SPEG: variants seen among roughly 807,000 people sequenced by gnomAD.
SPEG encodes striated muscle enriched protein kinase.
SPEG carries 114 observed loss-of-function variants against 300.4 expected under a neutral mutation model. The observed-to-expected ratio is 0.38, with a 90% CI of 0.33 to 0.44. The LOEUF (loss-of-function observed/expected upper bound fraction) is 0.44. Ranked by LOEUF, SPEG falls within the 20% of genes least tolerant of loss-of-function variation. The pLI, the probability that SPEG is intolerant of heterozygous loss-of-function variation, is 1.00. For synonymous variants in SPEG, 1,964 were observed against 2,018.9 expected (o/e 0.97, Z 0.73); for missense variants, 4,201 against 4,586.2 (o/e 0.92, Z 2.43).
rs1689745587 is a variant in SPEG at position 219,451,516 on chromosome 2, G to T, written c.2258-109G>T. The T allele has an allele frequency of 3.3e-6, 4 of 1,225,868 alleles. No individual in the cohort carries two copies. The highest frequency in any genetic ancestry group is 3.3e-5 in the South Asian group (2 of 60,808). The allele number at this position is 1,225,868 out of a possible 1,614,324, so 75.9% of individuals were successfully genotyped here. On this transcript the variant is annotated intron_variant, in intron 5 of 40. Transcript: ENST00000312358. The surrounding 1 kb of genome is among the most constrained non-coding windows in gnomAD (Gnocchi z 6.4). The stretch of plus-strand genomic sequence containing the variant: ...GGCGGACTCTTCCAGATTCCCTGGG[G>T]TGCTGAGAGGAGAGGTTTGGTCTCC...
chr2:219,455,295 GC>G lies in SPEG; in HGVS notation c.2440+3489del, dbSNP rs967316949. Among the ~76,000 whole-genome samples, 67 of 152,242 alleles carry G rather than the reference GC, an allele frequency of 4.4e-4. 1 individual carries two copies. Among genetic ancestry groups the G allele is most frequent in the African/African-American group, 1.6e-3 (66 of 41,546 alleles). ...AGCCAATTGCTCTCTGGACACAGTG[GC>G]TGACACCTGTAATCCCAGCAGTTTT... is the stretch of plus-strand genomic sequence containing the variant. On this transcript the variant is annotated intron_variant, in intron 6 of 40. Coordinates refer to ENST00000312358, the MANE Select transcript of SPEG (RefSeq NM_005876.5).
In SPEG at chr2:219,445,186, T is replaced by C. The variant is rs895988116; in HGVS notation, c.815+25T>C. On this transcript the variant is annotated intron_variant, in intron 3 of 40. Transcript: ENST00000312358. The surrounding 1 kb of genome is among the most constrained non-coding windows in gnomAD (Gnocchi z 6.1). The stretch of plus-strand genomic sequence containing the variant: ...TGTAAGTAACGGCCTTACCTGGGCC[T>C]GAACTGCCCCATCTCACCACGCTGT... 3.9e-6 allele frequency: 6 copies of C among 1,547,660 alleles called. No individual in the cohort carries two copies. The African/African-American group carries it at 8.2e-5, about 21-fold the overall frequency.
chr2:219,452,215 A>G (rs1157562608), intron 6 of SPEG, among the ~76,000 whole-genome samples: 4 of 152,128 alleles, frequency 2.6e-5, no homozygotes, highest in Non-Finnish European at 5.9e-5. Context: ...TTTCCCCTGT[A>G]AGACAGTCCC....
intron 32 of SPEG, 65 bp from the exon 33 acceptor site, chr2:219,488,433 G>A: frequency 4.6e-6 from 7 of 1,516,106 alleles, no homozygotes; most frequent in Non-Finnish European, 6.2e-6. Context: ...AGTGGGGAGT[G>A]AGTGAGGGGG....
In SPEG at chr2:219,473,415, C is replaced by T; in HGVS notation, c.4148-89C>T. 1 of 1,307,422 alleles carries T rather than the reference C, an allele frequency of 7.6e-7. No homozygotes were observed. The highest frequency in any genetic ancestry group is 1.1e-6 in the Non-Finnish European group (1 of 919,032). The allele number at this position is 1,307,422 out of a possible 1,614,324, so 81.0% of individuals were successfully genotyped here. On this transcript the variant is annotated intron_variant, in intron 16 of 40. Transcript: ENST00000312358. This position sits in a 1 kb window ranked among gnomAD's most constrained non-coding sequence, Gnocchi z 4.6. ...CTTTCCCATCTGTAAAAACGGAACTCAAGTGTTGATGAGGGGTGTTAGAGG... is the reference window on the plus strand; with the variant it reads ...CTTTCCCATCTGTAAAAACGGAACTTAAGTGTTGATGAGGGGTGTTAGAGG...
chr2:219,483,524 C>A lies in SPEG; in HGVS notation c.6061C>A (p.Pro2021Thr). 2 of 1,408,352 alleles carry A rather than the reference C, an allele frequency of 1.4e-6. No homozygotes were observed. The highest frequency in any genetic ancestry group is 2.6e-4 in the Middle Eastern group (1 of 3,834). The allele number at this position is 1,408,352 out of a possible 1,614,324, so 87.2% of individuals were successfully genotyped here. A position where few individuals can be genotyped will look rare whatever the true frequency, so the allele number is the denominator to read the frequency against. The stretch of plus-strand genomic sequence containing the variant: ...GGGCAGCTCGGCTGAGAGCGCCCTG[C>A]CCCGGGCCGGGCCGCGGGAGCTGGG... ...RRGSSAESAL[P>T]RAGPRELGRG... The change falls in exon 30 of 41, where the codon CCC (proline) becomes ACC (threonine). Residue 2021 changes from proline (P) to threonine (T), a missense_variant. Around this residue, in one of 4 missense-constraint regions of SPEG, gnomAD observed 1,578 missense variants for 1,506.0 expected, o/e 1.05. Transcript: ENST00000312358.
intron 10 of SPEG, 86 bp from the exon 11 acceptor site, chr2:219,468,492 T>C: frequency 6.8e-7 from 1 of 1,469,238 alleles, no homozygotes; most frequent in Non-Finnish European, 9.2e-7. Context: ...TCCAGCTTCC[T>C]GCTCAGCCTT....
At position 219,490,038 on chromosome 2, in the gene SPEG, G is replaced by C. The variant is rs577762653; in HGVS notation, c.8921+99G>C. 123 of 1,378,720 alleles carry C rather than the reference G, an allele frequency of 8.9e-5. No individual in the cohort carries two copies. In the African/African-American group the frequency reaches 1.3e-3, roughly 15 times the overall value. The allele number at this position is 1,378,720 out of a possible 1,614,324, so 85.4% of individuals were successfully genotyped here. A position where few individuals can be genotyped will look rare whatever the true frequency, so the allele number is the denominator to read the frequency against. On this transcript the variant is annotated intron_variant, in intron 36 of 40. Coordinates refer to ENST00000312358, the MANE Select transcript of SPEG (RefSeq NM_005876.5). The stretch of plus-strand genomic sequence containing the variant: ...AAGACCAGACTGTCCTGGCTGGGGT[G>C]GGGGGAGGTGCTGAGACCTGGGTTA...
At chr2:219,438,129 G>A (rs895724968) in intron 1 of SPEG, among the ~76,000 whole-genome samples, 1 of 152,144 alleles carries the variant, frequency 6.6e-6, no homozygotes, top group African/African-American at 2.4e-5. Context: ...GGGAAACTGG[G>A]GGTGGTGGTG....
At chr2:219,466,344 A>AC in intron 9 of SPEG, 2 of 1,388,418 alleles carry the variant, frequency 1.4e-6, no homozygotes, top group East Asian at 2.7e-5. Flanking sequence ...AGGGGTATCA[A>AC]CCCCCCGAGT....
chr2:219,489,702 C>G lies in SPEG; in HGVS notation c.8684C>G (p.Ser2895Cys), dbSNP rs1240307686. ...ACTCCTCAAGGGGTTAAACCAGTGT[C>G]TTCCTCTACTCCTGTGTATGTGGTG... ...ASTPQGVKPV[S>C]SSTPVYVVTS... is the part of the protein sequence containing the mutation. The change falls in exon 36 of 41, where the codon TCT becomes TGT. Residue 2895 changes from serine to cysteine, a missense_variant. By Grantham distance (112) the Ser-to-Cys change is moderately radical (BLOSUM62 -1). Transcript: ENST00000312358. 1 of 1,614,154 alleles carries G rather than the reference C, an allele frequency of 6.2e-7. No individual in the cohort carries two copies. The highest frequency in any genetic ancestry group is 2.2e-5 in the East Asian group (1 of 44,884).
rs1403249168 is a variant in SPEG at position 219,489,076 on chromosome 2, G to A, written c.8172G>A (p.Val2724=). ...RVDGESVWHP[V]SSGIPDCYYN... ...TAGGGGAGTCTGTGTGGCACCCTGT[G>A]AGCTCAGGCATCCCCGACTGTTACT... Residue 2724 remains valine, a synonymous_variant, in exon 35 of 41, where the codon GTG becomes GTA. Coordinates refer to ENST00000312358, the MANE Select transcript of SPEG (RefSeq NM_005876.5). The A allele has an allele frequency of 1.2e-6, 2 of 1,613,890 alleles. No individual in the cohort carries two copies. The highest frequency in any genetic ancestry group is 3.3e-5 in the Admixed American group (2 of 60,008).
chr2:219,482,841 C>A lies in SPEG; in HGVS notation c.5623C>A (p.Arg1875=). ...TCACCTGAAGCTATTCCTCTCCCGG[C>A]GGAGGTGGCAGGTAAGTGTGGCAGG... ...TDHLKLFLSR[R]RWQRSQISYK... The change falls in exon 29 of 41, where the codon CGG becomes AGG. Residue 1875 remains arginine (R), a synonymous_variant. Transcript: ENST00000312358. 1 of 1,613,784 alleles carries A rather than the reference C, an allele frequency of 6.2e-7. No individual in the cohort carries two copies. The highest frequency in any genetic ancestry group is 1.3e-5 in the African/African-American group (1 of 75,038).
Position 219,471,875 on chromosome 2 carries a change from T to C in SPEG, c.3723T>C (p.Asp1241=), listed in dbSNP as rs1397840288. The C allele has an allele frequency of 6.2e-6, 10 of 1,613,918 alleles. No homozygotes were observed. The highest frequency in any genetic ancestry group is 7.6e-6 in the Non-Finnish European group (9 of 1,179,990). ...CTGTCCCTCCCCTCCCAGACAGGGA[T>C]GTCCATCGCTTGGTGTTCCCTGCCG... ...SDDRRMTQYR[D]VHRLVFPAVG... Residue 1241 remains aspartate (D), a synonymous_variant, in exon 14 of 41, where the codon GAT becomes GAC. Transcript: ENST00000312358.
chr2:219,462,128 G>T, intron 7 of SPEG, 71 bp downstream of exon 7: 3 of 1,320,808 alleles, frequency 2.3e-6, no homozygotes, highest in Non-Finnish European at 3.1e-6. Flanking sequence ...TTGTTCTTGG[G>T]GCCATGCCTA....
intron 36 of SPEG, among the ~76,000 whole-genome samples, chr2:219,490,170 C>T (rs1329519046): frequency 6.6e-6 from 1 of 152,204 alleles, no homozygotes; most frequent in East Asian, 1.9e-4. Flanking sequence ...TTAGCATCAC[C>T]CATTTCACAG....
intron 6 of SPEG, 44 bp from the exon 7 acceptor site, chr2:219,461,838 T>C: frequency 1.9e-6 from 3 of 1,589,780 alleles, no homozygotes; most frequent in Non-Finnish European, 2.6e-6. Context: ...TCCCAGGCTC[T>C]CTGCTCGCCT....
In SPEG at chr2:219,448,671, A is replaced by G. The variant is rs751457060; in HGVS notation, c.1513A>G (p.Thr505Ala). ...AQELGRIRRSTSREELVRSHE... is the reference protein window; with the variant it reads ...AQELGRIRRSASREELVRSHE... Reference sequence around the variant, plus strand: ...GGAGCTGGGCCGCATCCGCCGCTCCACGTCGCGGGAGGAGCTGGTGCGCTC... The same window carrying G: ...GGAGCTGGGCCGCATCCGCCGCTCCGCGTCGCGGGAGGAGCTGGTGCGCTC... Residue 505 changes from threonine (T) to alanine (A), a missense_variant, in exon 4 of 41, where the codon ACG becomes GCG. Thr to Ala is a moderately conservative substitution (Grantham distance 58, BLOSUM62 0). Coordinates refer to ENST00000312358, the MANE Select transcript of SPEG (RefSeq NM_005876.5). 4.7e-6 allele frequency: 7 copies of G among 1,492,302 alleles called. No homozygotes were observed. The South Asian group carries it at 8.8e-5, about 19-fold the overall frequency. The allele number at this position is 1,492,302 out of a possible 1,614,324, so 92.4% of individuals were successfully genotyped here.
At chr2:219,487,779 CT>C (rs1157452241) in intron 31 of SPEG, among the ~76,000 whole-genome samples, 1 of 152,242 alleles carries the variant, frequency 6.6e-6, no homozygotes, top group Non-Finnish European at 1.5e-5. Flanking sequence ...TCTCAATTCT[CT>C]TCTCACTTGC....
Sources: gnomAD v4.1 joint callset for allele counts (sites outside exome capture counted in the v4.1 genomes callset) on GRCh38, gnomAD v4.1.1 for gene constraint, gnomAD v4.1.1 regional missense constraint, Gnocchi (gnomAD v3.1) non-coding constraint, MANE v1.5 for transcripts, NCBI Gene and HGNC (gene_info 2026-07-23, HGNC 2026-07-21) for gene names.